Variants in CAMK4 observed in about 807,000 individuals in gnomAD.
The protein encoded by CAMK4 is calcium/calmodulin dependent protein kinase IV, also known as calcium/calmodulin-dependent protein kinase type IV.
A neutral mutation model predicts 44.9 loss-of-function variants in CAMK4; 22 were observed. The ratio of observed to expected loss-of-function variants is 0.49; its 90% CI spans 0.35 to 0.70. The LOEUF (loss-of-function observed/expected upper bound fraction) is 0.70, where lower values mean the gene tolerates loss of function less well. Ranked by LOEUF, CAMK4 falls within the 30% of genes least tolerant of loss-of-function variation. The pLI is 0.01. For missense variants in CAMK4, 498 were observed against 586.8 expected, an observed-to-expected ratio of 0.85 and a Z score of 1.56; for synonymous variants, 218 against 215.4, an observed-to-expected ratio of 1.01 and a Z score of -0.11.
chr5:111,250,066 T>TTATC (rs1474460630), intron 1 of CAMK4, among the ~76,000 whole-genome samples: 1 of 152,182 alleles, frequency 6.6e-6, no homozygotes, highest in East Asian at 1.9e-4. Context: ...GACTACCTGA[T>TTATC]TATCTGTCTG....
intron 1 of CAMK4, chr5:111,302,449 G>A (rs1252138008): frequency 1.3e-5 from 2 of 148,224 alleles, no homozygotes; most frequent in African/African-American, 5.2e-5. Context: ...CAAGGGGTCA[G>A]GGAGTTCCCT....
intron 1 of CAMK4, among the ~76,000 whole-genome samples, chr5:111,226,447 A>G (rs1748197100): frequency 6.6e-6 from 1 of 152,224 alleles, no homozygotes; most frequent in Admixed American, 6.5e-5. Flanking sequence ...TGATGGTGTT[A>G]TGTCCCAATA....
chr5:111,338,477 C>G (rs1048289753), intron 1 of CAMK4, among the ~76,000 whole-genome samples: 1 of 151,206 alleles, frequency 6.6e-6, no homozygotes, highest in Non-Finnish European at 1.5e-5. Flanking sequence ...TAATTAGGTC[C>G]CATTTGTCAA....
At chr5:111,476,267 G>GAT (rs1755236645) in intron 8 of CAMK4, among the ~76,000 whole-genome samples, 2 of 133,398 alleles carry the variant, frequency 1.5e-5, no homozygotes, top group African/African-American at 3.0e-5. Flanking sequence ...GTGTGTGTGT[G>GAT]TGTTTGTGTG....
chr5:111,243,740 C>T (rs558723630), intron 1 of CAMK4, among the ~76,000 whole-genome samples: 18 of 152,216 alleles, frequency 1.2e-4, no homozygotes, highest in Middle Eastern at 3.4e-3. Context: ...GTCTCCTAGC[C>T]GGCGGTTCTT....
chr5:111,246,880 G>A (rs1749264643), intron 1 of CAMK4, among the ~76,000 whole-genome samples: 1 of 152,140 alleles, frequency 6.6e-6, no homozygotes, highest in African/African-American at 2.4e-5. Flanking sequence ...AAAACATGCT[G>A]AGCAGCAACC....
Position 111,491,835 on chromosome 5 carries a change from A to AT in CAMK4, c.*7370dup, listed in dbSNP as rs1755847881. 6.6e-6 allele frequency: 1 copy of AT among 152,200 alleles called. No individual in the cohort carries two copies. The highest frequency in any genetic ancestry group is 6.5e-5 in the Admixed American group (1 of 15,272). 9.4% of individuals were successfully genotyped at this position (152,200 alleles called of 1,614,324 possible). On this transcript the variant is annotated 3_prime_UTR_variant, in exon 11 of 11. Coordinates refer to ENST00000282356, the MANE Select transcript of CAMK4 (RefSeq NM_001744.6). Reference sequence around the variant, plus strand: ...CTCTCATAATATTCTGAAGTAATTTATATCAATTGAATTTTCATTAATCAT... The same window carrying AT: ...CTCTCATAATATTCTGAAGTAATTTATTATCAATTGAATTTTCATTAATCAT...
chr5:111,354,874 T>G (rs1455905484), intron 2 of CAMK4, among the ~76,000 whole-genome samples: 1 of 152,096 alleles, frequency 6.6e-6, no homozygotes, highest in African/African-American at 2.4e-5. Context: ...AGAATGGAGA[T>G]TCCCTGCTCT....
chr5:111,350,467 A>G (rs1206035614), intron 2 of CAMK4, among the ~76,000 whole-genome samples: 1 of 152,044 alleles, frequency 6.6e-6, no homozygotes, highest in Non-Finnish European at 1.5e-5. Context: ...ATTGCTATCA[A>G]TAAAATGTAA....
chr5:111,425,521 G>C (rs571744667), intron 5 of CAMK4, among the ~76,000 whole-genome samples: 2 of 152,168 alleles, frequency 1.3e-5, no homozygotes, highest in South Asian at 2.1e-4. Context: ...GCCACAAATA[G>C]AAAGACTAAG....
intron 1 of CAMK4, among the ~76,000 whole-genome samples, chr5:111,242,836 A>C: frequency 7.1e-6 from 1 of 140,950 alleles, no homozygotes; most frequent in East Asian, 2.2e-4. Flanking sequence ...CCCTCACTCC[A>C]CGCCCCCTCT....
intron 1 of CAMK4, among the ~76,000 whole-genome samples, chr5:111,308,187 A>T (rs1187657468): frequency 7.0e-6 from 1 of 143,356 alleles, no homozygotes; most frequent in Non-Finnish European, 1.5e-5. Flanking sequence ...CCAGCATGGC[A>T]CATGTATACA....
chr5:111,291,071 T>C (rs947119552), intron 1 of CAMK4, among the ~76,000 whole-genome samples: 13 of 152,330 alleles, frequency 8.5e-5, no homozygotes, highest in African/African-American at 1.2e-4. Context: ...TTTTAATGAA[T>C]CCCTCATTTT....
At chr5:111,450,430 T>C (rs1206609987) in intron 7 of CAMK4, among the ~76,000 whole-genome samples, 1 of 151,624 alleles carries the variant, frequency 6.6e-6, no homozygotes, top group Non-Finnish European at 1.5e-5. Flanking sequence ...CAAGCCAGTG[T>C]GTGGCACCAG....
intron 1 of CAMK4, among the ~76,000 whole-genome samples, chr5:111,258,806 G>C (rs568602381): frequency 4.7e-5 from 7 of 150,438 alleles, no homozygotes; most frequent in Admixed American, 1.3e-4. Flanking sequence ...TGTTGGTCTT[G>C]TGTTATATGA....
chr5:111,256,538 C>T (rs1749753972), intron 1 of CAMK4, among the ~76,000 whole-genome samples: 1 of 152,092 alleles, frequency 6.6e-6, no homozygotes. Context: ...TTTGAGACTT[C>T]TTGTGAATCT....
chr5:111,380,698 T>A (rs998197693), intron 4 of CAMK4, among the ~76,000 whole-genome samples: 4 of 152,170 alleles, frequency 2.6e-5, no homozygotes, highest in African/African-American at 9.6e-5. Flanking sequence ...ATGATCCATT[T>A]CTTTCTGTGT....
At chr5:111,412,606 T>C (rs564105565) in intron 5 of CAMK4, among the ~76,000 whole-genome samples, 1 of 152,278 alleles carries the variant, frequency 6.6e-6, no homozygotes, top group South Asian at 2.1e-4. Context: ...AAATTGTCAT[T>C]CATAGGTAAA....
intron 1 of CAMK4, among the ~76,000 whole-genome samples, chr5:111,240,972 C>G (rs1748964043): frequency 6.6e-6 from 1 of 152,172 alleles, no homozygotes; most frequent in Non-Finnish European, 1.5e-5. Context: ...TAAATTGTAA[C>G]AAGCCCCATT....
Sources: allele counts gnomAD v4.1 joint callset (sites outside exome capture counted in the v4.1 genomes callset), GRCh38; gene constraint gnomAD v4.1.1; transcripts MANE v1.5; gene names NCBI Gene and HGNC (gene_info 2026-07-23, HGNC 2026-07-21).